The following MEP1A variants were observed in gnomAD, a reference collection of about 807,000 sequenced individuals.
MEP1A encodes the protein meprin A subunit alpha.
MEP1A carries 68 observed loss-of-function variants against 84.5 expected under a neutral mutation model. The observed-to-expected ratio is 0.80, with a 90% confidence interval of 0.66 to 0.98. The LOEUF is 0.98. MEP1A is among the 50% of genes least tolerant of loss of function. MEP1A has a pLI of 0.00. For synonymous variants in MEP1A, 337 were observed against 336.8 expected (o/e 1.00, Z -0.01); for missense variants, 887 against 919.9 (o/e 0.96, Z 0.46).
chr6:46,826,290 G>A (rs1767943380), intron 8 of MEP1A, 64 bp from the exon 9 acceptor site: 18 of 1,452,746 alleles, frequency 1.2e-5, no homozygotes, highest in Non-Finnish European at 1.7e-5. Flanking sequence ...AGTGGCTTAA[G>A]ACATTAGCTA....
At position 46,835,297 on chromosome 6, in the gene MEP1A, T is replaced by C; in HGVS notation, c.1832T>C (p.Leu611Pro). Residue 611 changes from leucine (L) to proline (P), a missense_variant, in exon 13 of 14, where the codon CTG becomes CCG. Leu to Pro is a moderately conservative substitution (Grantham distance 98). Coordinates refer to ENST00000230588, the MANE Select transcript of MEP1A (RefSeq NM_005588.3). ...QTEVPTKGKR[L>P]SPQGLILQGQ... ...GAAGTTCCCACTAAAGGCAAAAGAC[T>C]GAGCCCCCAAGGCCTCATTCTCCAA... 2 of 1,605,470 alleles carry C rather than the reference T, an allele frequency of 1.2e-6. No homozygotes were observed. Among genetic ancestry groups the C allele is most frequent in the East Asian group, 2.2e-5 (1 of 44,754 alleles).
At chr6:46,794,663 T>C (rs931298690) in intron 3 of MEP1A, among the ~76,000 whole-genome samples, 4 of 152,216 alleles carry the variant, frequency 2.6e-5, no homozygotes, top group Admixed American at 2.6e-4. Context: ...AGCTGGAGAA[T>C]GGCTGCATAG....
At chr6:46,810,568 G>T (rs370997033) in intron 6 of MEP1A, among the ~76,000 whole-genome samples, 1 of 151,772 alleles carries the variant, frequency 6.6e-6, no homozygotes, top group African/African-American at 2.4e-5. Context: ...GGGTTTTTCT[G>T]ATTTTACCTT....
chr6:46,834,374 A>T (rs1020267010), intron 11 of MEP1A, among the ~76,000 whole-genome samples: 1 of 151,920 alleles, frequency 6.6e-6, no homozygotes, highest in African/African-American at 2.4e-5. Context: ...TCAATTCTGA[A>T]TTGCAATTCT....
intron 5 of MEP1A, among the ~76,000 whole-genome samples, chr6:46,805,238 C>T (rs916778646): frequency 6.6e-6 from 1 of 151,818 alleles, no homozygotes; most frequent in Non-Finnish European, 1.5e-5. Flanking sequence ...AGACCTCTTT[C>T]AATGTGCTGG....
At chr6:46,799,011 A>G in intron 4 of MEP1A, 95 bp from the exon 5 acceptor site, 2 of 788,712 alleles carry the variant, frequency 2.5e-6, no homozygotes, top group Non-Finnish European at 2.2e-6. Flanking sequence ...GAGTTGTGTG[A>G]TAGACTGTTT....
rs1562102609 is a variant in MEP1A at position 46,797,822 on chromosome 6, CTTTCTTTCTTTCTT to C, written c.146-782_146-769del. Among the ~76,000 whole-genome samples the C allele has an allele frequency of 1.9e-3, 287 of 147,820 alleles. 1 individual carries two copies. Among genetic ancestry groups the C allele is most frequent in the African/African-American group, 4.3e-3 (170 of 39,768 alleles). ...TCTTTCTTTCTTTCTTTCTTTCTTTCTTTCTTTCTTTCTTTCTCTCTCTCTTTCTTTCTTTCTTA... is the reference window on the plus strand; with the variant it reads ...TCTTTCTTTCTTTCTTTCTTTCTTTCTCTCTCTCTCTTTCTTTCTTTCTTA... On this transcript the variant is annotated intron_variant, in intron 3 of 13. Coordinates refer to ENST00000230588, the MANE Select transcript of MEP1A (RefSeq NM_005588.3).
intron 7 of MEP1A, among the ~76,000 whole-genome samples, chr6:46,822,943 A>G (rs1767815949): frequency 6.6e-6 from 1 of 151,966 alleles, no homozygotes; most frequent in Admixed American, 6.6e-5. Context: ...GAGATTGTAG[A>G]CTCTTATGCT....
chr6:46,834,257 G>A (rs1469712947), intron 11 of MEP1A, among the ~76,000 whole-genome samples: 3 of 150,962 alleles, frequency 2.0e-5, no homozygotes, highest in African/African-American at 4.9e-5. Flanking sequence ...GAAGACTTAA[G>A]CCTTAGAAGA....
chr6:46,796,018 C>T (rs1767043553), intron 3 of MEP1A, among the ~76,000 whole-genome samples: 2 of 152,096 alleles, frequency 1.3e-5, no homozygotes, highest in Non-Finnish European at 1.5e-5. Context: ...TCAATCTGCC[C>T]CTGACTACTC....
intron 13 of MEP1A, among the ~76,000 whole-genome samples, chr6:46,836,435 A>G (rs1768220087): frequency 6.6e-6 from 1 of 152,012 alleles, no homozygotes. Context: ...CTCTTTTTGT[A>G]GCTTTTATTT....
At position 46,813,249 on chromosome 6, in the gene MEP1A, G is replaced by A. The variant is rs563697223; in HGVS notation, c.380+3712G>A. Reference sequence around the variant, plus strand: ...TGAGGCCTCAAAACCATGCAAATACGTGGAAATTAAATAACCTGCTGCTGA... The same window carrying A: ...TGAGGCCTCAAAACCATGCAAATACATGGAAATTAAATAACCTGCTGCTGA... On this transcript the variant is annotated intron_variant, in intron 6 of 13. Transcript: ENST00000230588. Among the ~76,000 whole-genome samples the A allele has an allele frequency of 4.0e-4, 61 of 151,960 alleles. No homozygotes were observed. In the South Asian group the frequency reaches 5.6e-3, roughly 14 times the overall value.
chr6:46,822,593 GA>G (rs1229251034), intron 7 of MEP1A, among the ~76,000 whole-genome samples: 9 of 152,104 alleles, frequency 5.9e-5, no homozygotes, highest in African/African-American at 2.2e-4. Flanking sequence ...TTCCAGGCTG[GA>G]GTGCAACGGT....
chr6:46,816,289 T>C (rs1767633129), intron 6 of MEP1A, among the ~76,000 whole-genome samples: 1 of 152,116 alleles, frequency 6.6e-6, no homozygotes, highest in Non-Finnish European at 1.5e-5. Context: ...ATTGCACACC[T>C]ACTACATTCC....
intron 3 of MEP1A, among the ~76,000 whole-genome samples, chr6:46,796,627 AG>A (rs1450326258): frequency 1.6e-3 from 245 of 152,334 alleles, no homozygotes; most frequent in African/African-American, 5.2e-3. Context: ...AAGACACATT[AG>A]GCATTTAATA....
rs542217133 is a variant in MEP1A at position 46,835,245 on chromosome 6, G to A, written c.1784-4G>A. On this transcript the variant is annotated splice_polypyrimidine_tract_variant and splice_region_variant and intron_variant, in intron 12 of 13. Coordinates refer to ENST00000230588, the MANE Select transcript of MEP1A (RefSeq NM_005588.3). Reference sequence around the variant, plus strand: ...TCTTCCTCATGACTCTCTATTTCCTGAAGATATCACCCACCTCAGCCAGAC... The same window carrying A: ...TCTTCCTCATGACTCTCTATTTCCTAAAGATATCACCCACCTCAGCCAGAC... 1.3e-6 allele frequency: 2 copies of A among 1,582,102 alleles called. No homozygotes were observed. Among genetic ancestry groups the A allele is most frequent in the Non-Finnish European group, 1.7e-6 (2 of 1,166,840 alleles).
chr6:46,813,986 T>C (rs964829223), intron 6 of MEP1A, among the ~76,000 whole-genome samples: 1 of 152,196 alleles, frequency 6.6e-6, no homozygotes, highest in African/African-American at 2.4e-5. Flanking sequence ...CTTAAGATTC[T>C]TTCCTTTGTC....
intron 5 of MEP1A, among the ~76,000 whole-genome samples, chr6:46,809,120 G>T (rs1028356336): frequency 2.2e-4 from 34 of 151,398 alleles, no homozygotes; most frequent in Non-Finnish European, 4.6e-4. Context: ...AAGGGAGAAA[G>T]TGTGGAAGTT....
Position 46,833,505 on chromosome 6 carries a change from G to A in MEP1A, c.1576G>A (p.Val526Met), listed in dbSNP as rs1271115858. The A allele has an allele frequency of 6.2e-7, 1 of 1,614,094 alleles. No homozygotes were observed. Among genetic ancestry groups the A allele is most frequent in the Non-Finnish European group, 8.5e-7 (1 of 1,180,026 alleles). The change falls in exon 11 of 14, where the codon GTG becomes ATG. Residue 526 changes from valine (V) to methionine (M), a missense_variant. Val to Met is a conservative substitution (Grantham distance 21). Coordinates refer to ENST00000230588, the MANE Select transcript of MEP1A (RefSeq NM_005588.3). ...CCGGAACAGGATGTCCTCAAGCATG[G>A]TGTTCACTACCTCGAAGTCGCACAC... ...DVRNRMSSSM[V>M]FTTSKSHTSP...
Sources: gnomAD v4.1 joint callset for allele counts (sites outside exome capture counted in the v4.1 genomes callset) on GRCh38, gnomAD v4.1.1 for gene constraint, MANE v1.5 for transcripts, NCBI Gene and HGNC (gene_info 2026-07-23, HGNC 2026-07-21) for gene names.